HOPX: variants seen among roughly 807,000 people sequenced by gnomAD.
The protein encoded by HOPX is homeodomain-only protein.
Under a neutral mutation model 11.8 loss-of-function variants are expected in HOPX, and 5 were observed. That is an observed-to-expected ratio of 0.43 (90% CI 0.22 to 0.89). The LOEUF (loss-of-function observed/expected upper bound fraction) is 0.89, where lower values mean the gene tolerates loss of function less well. HOPX is among the 40% of genes least tolerant of loss of function. The probability of loss-of-function intolerance (pLI) is 0.28; values close to 1 mark genes in which losing one functional copy is unlikely to be tolerated. For synonymous variants in HOPX, 49 were observed against 49.7 expected, an observed-to-expected ratio of 0.99 and a Z score of 0.06; for missense variants, 119 against 120.0, an observed-to-expected ratio of 0.99 and a Z score of 0.04.
At chr4:56,672,377 A>G (rs375222231) in intron 1 of HOPX, among the ~76,000 whole-genome samples, 1 of 151,996 alleles carries the variant, frequency 6.6e-6, no homozygotes, top group South Asian at 2.1e-4. Context: ...CGCCTCTACT[A>G]AAAATACAAA....
chr4:56,655,405 G>A (rs1364228872), intron 3 of HOPX, among the ~76,000 whole-genome samples: 2 of 152,184 alleles, frequency 1.3e-5, no homozygotes, highest in Admixed American at 1.3e-4. Context: ...TGGCTAGCTG[G>A]TCTCTGGGGC....
At chr4:56,679,778 ACTTT>A (rs1213165280) in intron 1 of HOPX, 4 of 152,174 alleles carry the variant, frequency 2.6e-5, no homozygotes, top group Admixed American at 6.5e-5. Context: ...GCACCCAGCC[ACTTT>A]CTTTTTGCTA....
rs57921708 is a variant in HOPX, at chr4:56,678,438, AT to A, written c.-84+2816del. Among the ~76,000 whole-genome samples, 752 of 100,246 alleles carry A rather than the reference AT, an allele frequency of 7.5e-3. 1 individual carries two copies. The highest frequency in any genetic ancestry group is 0.02 in the African/African-American group (476 of 23,376). The allele number at this position is 100,246 out of a possible 152,430, so 65.8% of individuals were successfully genotyped here. On this transcript the variant is annotated intron_variant, in intron 1 of 3. Transcript: ENST00000420433. ...GGTCCAGGGTGGGGCCTAGTCACTG[AT>A]TTTTTTTTTTTTTTTTTTTTTTTTG...
At chr4:56,675,836 A>G (rs1187561210) in intron 1 of HOPX, among the ~76,000 whole-genome samples, 1 of 151,564 alleles carries the variant, frequency 6.6e-6, no homozygotes, top group Non-Finnish European at 1.5e-5. Flanking sequence ...CAGGATGGGT[A>G]TGGTCCAGAA....
chr4:56,655,450 T>A (rs1335084604), intron 3 of HOPX, among the ~76,000 whole-genome samples: 2 of 152,154 alleles, frequency 1.3e-5, no homozygotes, highest in African/African-American at 4.8e-5. Flanking sequence ...CTAGAATAGA[T>A]CTTCCCGAAG....
At chr4:56,669,284 G>C (rs1718602861) in intron 1 of HOPX, among the ~76,000 whole-genome samples, 1 of 143,626 alleles carries the variant, frequency 7.0e-6, no homozygotes, top group African/African-American at 2.8e-5. Flanking sequence ...GACAACGGAG[G>C]AACCCATGAA....
chr4:56,652,497 G>A (rs1022327351), intron 3 of HOPX, among the ~76,000 whole-genome samples: 2 of 152,120 alleles, frequency 1.3e-5, no homozygotes, highest in African/African-American at 2.4e-5. Context: ...ATGGAAAGGA[G>A]CAACACTAGT....
At chr4:56,681,701 T>C, upstream of HOPX, 1 of 996,240 alleles carries the variant, frequency 1.0e-6, no homozygotes, top group South Asian at 4.7e-5. Context: ...AGCGTAGATC[T>C]GGTGCGGTTG....
intron 3 of HOPX, 93 bp downstream of exon 3, chr4:56,655,764 C>T: frequency 2.8e-6 from 4 of 1,417,332 alleles, no homozygotes; most frequent in South Asian, 1.3e-5. Context: ...GAGGGCAGCC[C>T]GGCGGGAGGC....
intron 1 of HOPX, among the ~76,000 whole-genome samples, chr4:56,668,114 G>A (rs1000468274): frequency 6.6e-6 from 1 of 152,034 alleles, no homozygotes; most frequent in African/African-American, 2.4e-5. Flanking sequence ...TAGTAGAGTC[G>A]GGGTTTTGCC....
intron 1 of HOPX, among the ~76,000 whole-genome samples, chr4:56,678,590 C>T (rs71609614): frequency 0.042 from 6,428 of 151,814 alleles, 222 homozygotes; most frequent in Middle Eastern, 0.092. Context: ...GGATTACAGG[C>T]GCTCACCACA....
In HOPX at chr4:56,650,998, G is replaced by C. The variant is rs1306086627; in HGVS notation, c.199-2201C>G. On this transcript the variant is annotated intron_variant, in intron 3 of 3. Coordinates refer to ENST00000420433, the MANE Select transcript of HOPX (RefSeq NM_032495.6). ...TCTGTGGGGGGTTTCAAGGATGCAAGGTCTGATTAAATAGGATTTCCAGTT... is the reference window on the plus strand; with the variant it reads ...TCTGTGGGGGGTTTCAAGGATGCAACGTCTGATTAAATAGGATTTCCAGTT... 4 of 499,638 alleles carry C rather than the reference G, an allele frequency of 8.0e-6. 1 individual carries two copies. The highest frequency in any genetic ancestry group is 6.7e-5 in the South Asian group (2 of 29,922). 31.0% of individuals were successfully genotyped at this position (499,638 alleles called of 1,614,324 possible).
chr4:56,651,530 C>G (rs1717169089), intron 3 of HOPX, among the ~76,000 whole-genome samples: 1 of 152,148 alleles, frequency 6.6e-6, no homozygotes, highest in Non-Finnish European at 1.5e-5. Context: ...CCCTTGCTTG[C>G]TTATAAATGA....
chr4:56,666,615 G>A (rs1014088519), intron 1 of HOPX, among the ~76,000 whole-genome samples: 6 of 152,202 alleles, frequency 3.9e-5, no homozygotes, highest in Non-Finnish European at 8.8e-5. Context: ...AACAGTGAAA[G>A]ATGCTCATAA....
intron 1 of HOPX, among the ~76,000 whole-genome samples, chr4:56,666,846 G>A (rs1410913111): frequency 6.6e-6 from 1 of 152,146 alleles, no homozygotes; most frequent in Non-Finnish European, 1.5e-5. Context: ...TTGTAAGTGT[G>A]TAGATAAGAT....
intron 3 of HOPX, among the ~76,000 whole-genome samples, chr4:56,653,070 C>T (rs554005204): frequency 2.2e-4 from 33 of 152,302 alleles, no homozygotes; most frequent in Non-Finnish European, 4.1e-4. Context: ...GGTTCTCCCT[C>T]TGTAACCCAG....
rs138347248 is a variant in HOPX, at chr4:56,681,240, T to C, written c.-84+15A>G. On this transcript the variant is annotated intron_variant, in intron 1 of 3. Coordinates refer to ENST00000420433, the MANE Select transcript of HOPX (RefSeq NM_032495.6). ...ATTCCTCTGCATAAAAGGCAGACCT[T>C]TGAAAGGTACTTACGTGGAAGAGGC... is the stretch of plus-strand genomic sequence containing the variant. The C allele has an allele frequency of 4.1e-6, 4 of 985,284 alleles. No homozygotes were observed. Among genetic ancestry groups the C allele is most frequent in the Non-Finnish European group, 4.8e-6 (4 of 829,850 alleles). The allele number at this position is 985,284 out of a possible 1,614,324, so 61.0% of individuals were successfully genotyped here.
intron 3 of HOPX, 70 bp from the exon 4 acceptor site, chr4:56,648,867 AAGGT>A: frequency 8.2e-7 from 1 of 1,223,370 alleles, no homozygotes; most frequent in Non-Finnish European, 1.2e-6. Flanking sequence ...CCCTTTCTAA[AAGGT>A]AGCCTCTGTG....
intron 1 of HOPX, chr4:56,680,073 T>A (rs1719246873): frequency 6.6e-6 from 1 of 152,158 alleles, no homozygotes; most frequent in Non-Finnish European, 1.5e-5. Context: ...TGAAGGTTTT[T>A]AACTCGCCAC....
Sources: allele counts gnomAD v4.1 joint callset (sites outside exome capture counted in the v4.1 genomes callset), GRCh38; gene constraint gnomAD v4.1.1; transcripts MANE v1.5; gene names NCBI Gene and HGNC (gene_info 2026-07-23, HGNC 2026-07-21).